The following CNTN1 variants were observed in gnomAD, a reference collection of about 807,000 sequenced individuals.
CNTN1 encodes contactin-1.
In CNTN1, 38 loss-of-function variants were observed where a neutral mutation model predicts 126.4. The ratio of observed to expected loss-of-function variants is 0.30; its 90% CI spans 0.23 to 0.39. The LOEUF is 0.39. CNTN1 is among the 10% of genes least tolerant of loss of function. CNTN1 has a pLI of 1.00. For missense variants in CNTN1, 1,009 were observed against 1,248.4 expected, an observed-to-expected ratio of 0.81 and a Z score of 2.89; for synonymous variants, 413 against 422.6, an observed-to-expected ratio of 0.98 and a Z score of 0.28.
chr12:40,794,948 AT>A (rs1940355863), intron 1 of CNTN1, among the ~76,000 whole-genome samples: 1 of 152,088 alleles, frequency 6.6e-6, no homozygotes, highest in Non-Finnish European at 1.5e-5. Flanking sequence ...TGGCTAGGCT[AT>A]AGTACTTACT....
intron 17 of CNTN1, among the ~76,000 whole-genome samples, chr12:41,013,360 A>G (rs1196396374): frequency 1.3e-5 from 2 of 152,168 alleles, no homozygotes; most frequent in Non-Finnish European, 2.9e-5. Flanking sequence ...TTATGTCTGC[A>G]GCTCGACTTT....
intron 1 of CNTN1, among the ~76,000 whole-genome samples, chr12:40,764,105 A>C (rs1938978034): frequency 6.6e-6 from 1 of 152,212 alleles, no homozygotes; most frequent in Non-Finnish European, 1.5e-5. Context: ...GCTAAATTCA[A>C]ACTTAATAGA....
intron 17 of CNTN1, among the ~76,000 whole-genome samples, chr12:41,007,083 G>A (rs568366887): frequency 3.6e-4 from 41 of 114,380 alleles, no homozygotes; most frequent in Admixed American, 7.2e-4. Flanking sequence ...TTTTTGAGAC[G>A]GAGTCTCGCT....
intron 16 of CNTN1, among the ~76,000 whole-genome samples, chr12:40,985,676 T>G (rs1037671060): frequency 7.9e-5 from 12 of 152,318 alleles, no homozygotes; most frequent in African/African-American, 2.9e-4. Context: ...TAAAATGCAT[T>G]TATCCTAATG....
intron 7 of CNTN1, among the ~76,000 whole-genome samples, chr12:40,932,066 A>T (rs1370347057): frequency 6.6e-6 from 1 of 151,898 alleles, no homozygotes; most frequent in East Asian, 1.9e-4. Flanking sequence ...TCCTTTAAAA[A>T]TGCCAGCAAG....
At chr12:40,980,634 A>G (rs142254367) in intron 15 of CNTN1, among the ~76,000 whole-genome samples, 2,800 of 152,248 alleles carry the variant, frequency 0.018, 45 homozygotes, top group Admixed American at 0.03. Flanking sequence ...TGCCAATTGC[A>G]TATAATGAGT....
At chr12:40,720,494 C>A (rs557344923) in intron 1 of CNTN1, among the ~76,000 whole-genome samples, 1 of 151,836 alleles carries the variant, frequency 6.6e-6, no homozygotes, top group Non-Finnish European at 1.5e-5. Context: ...AATACCATTT[C>A]GTTTATGTGA....
At chr12:41,065,545 G>A (rs185649133) in intron 23 of CNTN1, among the ~76,000 whole-genome samples, 12 of 152,342 alleles carry the variant, frequency 7.9e-5, no homozygotes, top group Admixed American at 7.8e-4. Flanking sequence ...TAAGGTTTGA[G>A]TTCCTGCTGA....
rs1040741152 is a variant in CNTN1 at position 40,937,656 on chromosome 12, C to G, written c.1197C>G (p.Ala399=). The G allele has an allele frequency of 2.5e-6, 4 of 1,610,836 alleles. No homozygotes were observed. The African/African-American group carries it at 5.3e-5, about 22-fold the overall frequency. ...YQCIAENTYG[A]IYANAELKIL... ...GCATAGCTGAAAACACATATGGAGCCATTTATGCAAATGCTGAGTTGAAGA... is the reference window on the plus strand; with the variant it reads ...GCATAGCTGAAAACACATATGGAGCGATTTATGCAAATGCTGAGTTGAAGA... The change falls in exon 11 of 24, where the codon GCC becomes GCG. Residue 399 remains alanine, a synonymous_variant. Transcript: ENST00000551295.
At chr12:40,922,969 T>TAAA (rs35911311) in intron 5 of CNTN1, among the ~76,000 whole-genome samples, 4,891 of 101,386 alleles carry the variant, frequency 0.048, 195 homozygotes, top group East Asian at 0.11. Flanking sequence ...GACTCTGCCT[T>TAAA]AAAAAAAAAA....
intron 23 of CNTN1, among the ~76,000 whole-genome samples, chr12:41,032,289 A>G (rs753089196): frequency 6.7e-6 from 1 of 150,120 alleles, no homozygotes; most frequent in Non-Finnish European, 1.5e-5. Context: ...AATGGTGTGA[A>G]CCCTGGAGGT....
chr12:40,837,170 G>A (rs1021865307), intron 1 of CNTN1, among the ~76,000 whole-genome samples: 3 of 152,220 alleles, frequency 2.0e-5, no homozygotes, highest in African/African-American at 7.2e-5. Context: ...GCCTCAAGAT[G>A]GCTGACTAGA....
chr12:40,980,961 T>A lies in CNTN1; in HGVS notation c.1857T>A (p.Ser619=). The change falls in exon 16 of 24, where the codon TCT becomes TCA. Residue 619 remains serine, a synonymous_variant. Transcript: ENST00000551295. ...GAATAGAAGACATTAGAGCCACTTC[T>A]GTGGCACTTACTTGGAGCCGTGGTT... ...GLRIEDIRAT[S]VALTWSRGSD... is the part of the protein sequence containing the mutation. The A allele has an allele frequency of 6.2e-7, 1 of 1,613,920 alleles. No individual in the cohort carries two copies. The highest frequency in any genetic ancestry group is 8.5e-7 in the Non-Finnish European group (1 of 1,179,828).
At chr12:40,807,978 T>C (rs1187721736) in intron 1 of CNTN1, among the ~76,000 whole-genome samples, 1 of 152,166 alleles carries the variant, frequency 6.6e-6, no homozygotes, top group African/African-American at 2.4e-5. Flanking sequence ...ACAATGATTT[T>C]CCAAATTCTT....
At chr12:40,935,628 C>G (rs1414121006) in intron 9 of CNTN1, among the ~76,000 whole-genome samples, 1 of 151,962 alleles carries the variant, frequency 6.6e-6, no homozygotes, top group Non-Finnish European at 1.5e-5. Flanking sequence ...GCTGATATTC[C>G]TGTATTATGT....
chr12:40,978,476 CTG>C (rs1406965984), intron 15 of CNTN1, among the ~76,000 whole-genome samples: 2 of 152,010 alleles, frequency 1.3e-5, no homozygotes, highest in African/African-American at 4.8e-5. Flanking sequence ...AAAATGAAGA[CTG>C]TATTGTGGAT....
chr12:40,697,548 T>C (rs1941481254), intron 1 of CNTN1, among the ~76,000 whole-genome samples: 1 of 152,250 alleles, frequency 6.6e-6, no homozygotes, highest in Non-Finnish European at 1.5e-5. Flanking sequence ...ATAGCTTTAC[T>C]GTAGTTTATA....
intron 1 of CNTN1, among the ~76,000 whole-genome samples, chr12:40,775,499 T>C (rs919664940): frequency 5.3e-5 from 8 of 151,526 alleles, no homozygotes; most frequent in African/African-American, 1.9e-4. Context: ...GATCTAAGCC[T>C]GATATCCTAG....
At position 41,034,369 on chromosome 12, in the gene CNTN1, C is replaced by T. The variant is rs148725371; in HGVS notation, c.2980+5150C>T. The stretch of plus-strand genomic sequence containing the variant: ...TGTTGTTTTGCTTTGTCCTCTCCTG[C>T]CAGTAGCAGAAGAAGGTCTAGAAAA... On this transcript the variant is annotated intron_variant, in intron 23 of 23. Transcript: ENST00000551295. 2.9e-3 allele frequency among the ~76,000 whole-genome samples: 440 copies of T among 152,244 alleles called. 1 individual carries two copies. Among genetic ancestry groups the T allele is most frequent in the African/African-American group, 9.6e-3 (397 of 41,546 alleles).
Sources: allele counts gnomAD v4.1 joint callset (sites outside exome capture counted in the v4.1 genomes callset), GRCh38; gene constraint gnomAD v4.1.1; transcripts MANE v1.5; gene names NCBI Gene and HGNC (gene_info 2026-07-23, HGNC 2026-07-21).